Variants in IKZF2 observed in about 807,000 individuals in gnomAD.
IKZF2 encodes IKAROS family zinc finger 2.
Under a neutral mutation model 49.2 loss-of-function variants are expected in IKZF2, and 15 were observed. The observed-to-expected ratio is 0.30, with a 90% CI of 0.20 to 0.47. The LOEUF (loss-of-function observed/expected upper bound fraction) is 0.47. IKZF2 is among the 20% of genes least tolerant of loss of function. The pLI, the probability that IKZF2 is intolerant of heterozygous loss-of-function variation, is 1.00. For missense variants in IKZF2, 567 were observed against 664.6 expected, an observed-to-expected ratio of 0.85 and a Z score of 1.61; for synonymous variants, 227 against 221.4, an observed-to-expected ratio of 1.03 and a Z score of -0.23.
rs189765888 is a variant in IKZF2, at chr2:213,082,782, T to A, written c.140-25683A>T. Among the ~76,000 whole-genome samples, 134 of 152,324 alleles carry A rather than the reference T, an allele frequency of 8.8e-4. 1 individual carries two copies. Among genetic ancestry groups the A allele is most frequent in the African/African-American group, 3.1e-3 (127 of 41,580 alleles). On this transcript the variant is annotated intron_variant, in intron 4 of 8. Transcript: ENST00000434687. ...TCCATACAGATAGCAAAAAGACTCA[T>A]AAATTTCACTGACAATTTTTTTGGA...
intron 8 of IKZF2, among the ~76,000 whole-genome samples, chr2:213,011,801 G>A (rs945644471): frequency 6.6e-6 from 1 of 151,998 alleles, no homozygotes; most frequent in Non-Finnish European, 1.5e-5. Flanking sequence ...AGTACCAGAT[G>A]TGCAGGCTGG....
intron 4 of IKZF2, among the ~76,000 whole-genome samples, chr2:213,072,211 C>T (rs1249812608): frequency 6.6e-6 from 1 of 151,362 alleles, no homozygotes; most frequent in Non-Finnish European, 1.5e-5. Context: ...AATCAGCTAA[C>T]GATGAAATAT....
Position 213,119,361 on chromosome 2 carries a change from A to AT in IKZF2, c.139+28346dup, listed in dbSNP as rs1199561754. On this transcript the variant is annotated intron_variant, in intron 4 of 8. Transcript: ENST00000434687. ...TAAGTACTCATCCTACCACAACCTCATTTTTTTTAATGAAATAGGTCAGCT... is the reference window on the plus strand; with the variant it reads ...TAAGTACTCATCCTACCACAACCTCATTTTTTTTTAATGAAATAGGTCAGCT... Among the ~76,000 whole-genome samples the AT allele has an allele frequency of 3.3e-5, 5 of 151,810 alleles. No individual in the cohort carries two copies. The South Asian group carries it at 6.3e-4, about 19-fold the overall frequency.
In IKZF2 at chr2:213,148,639, G is replaced by T; in HGVS notation, c.-10C>A. ...TAGCCTCTGTTTCCATAGTCAAAGT[G>T]CAATGCTGCAAAACAAAAGATTATA... On this transcript the variant is annotated 5_prime_UTR_variant, in exon 3 of 9. Transcript: ENST00000434687. 6.2e-7 allele frequency: 1 copy of T among 1,610,038 alleles called. No individual in the cohort carries two copies. The highest frequency in any genetic ancestry group is 8.5e-7 in the Non-Finnish European group (1 of 1,176,456).
intron 7 of IKZF2, among the ~76,000 whole-genome samples, chr2:213,016,362 C>G (rs1010798999): frequency 6.6e-6 from 1 of 152,076 alleles, no homozygotes; most frequent in African/African-American, 2.4e-5. Flanking sequence ...TCAACCATTA[C>G]GCTATACTAC....
intron 4 of IKZF2, among the ~76,000 whole-genome samples, chr2:213,135,750 G>C (rs1388944860): frequency 2.6e-5 from 4 of 151,372 alleles, no homozygotes. Context: ...AAGAAGAAAG[G>C]AAAAGGAAAG....
chr2:213,096,154 C>G (rs1705965525), intron 4 of IKZF2, among the ~76,000 whole-genome samples: 1 of 151,888 alleles, frequency 6.6e-6, no homozygotes, highest in Non-Finnish European at 1.5e-5. Flanking sequence ...GAGCATCATA[C>G]TCTAAACTTG....
At chr2:213,022,654 G>C (rs549105694) in intron 6 of IKZF2, among the ~76,000 whole-genome samples, 1 of 152,292 alleles carries the variant, frequency 6.6e-6, no homozygotes, top group South Asian at 2.1e-4. Context: ...AAGTACAGAT[G>C]AAAGTAGAGT....
intron 4 of IKZF2, among the ~76,000 whole-genome samples, chr2:213,123,613 T>C (rs934396934): frequency 2.6e-5 from 4 of 151,976 alleles, no homozygotes; most frequent in Non-Finnish European, 5.9e-5. Flanking sequence ...ATAAAATAAA[T>C]AAATAAATTA....
At chr2:213,148,882 A>G (rs62189576) in intron 2 of IKZF2, among the ~76,000 whole-genome samples, 2,542 of 152,302 alleles carry the variant, frequency 0.017, 40 homozygotes, top group Non-Finnish European at 0.026. Flanking sequence ...GATGGGCTAG[A>G]GCAAAAAGGG....
intron 4 of IKZF2, among the ~76,000 whole-genome samples, chr2:213,146,759 C>CGGAGG (rs1553604931): frequency 1.1e-5 from 1 of 87,196 alleles, no homozygotes; most frequent in Non-Finnish European, 2.6e-5. Context: ...ATTAAATCTT[C>CGGAGG]GGGGGGGGGG....
At chr2:213,069,853 T>C (rs931115085) in intron 4 of IKZF2, among the ~76,000 whole-genome samples, 1 of 152,136 alleles carries the variant, frequency 6.6e-6, no homozygotes, top group African/African-American at 2.4e-5. Flanking sequence ...AAGCTGTTTT[T>C]TTCTTTTCTT....
At chr2:213,142,334 T>C (rs1200643301) in intron 4 of IKZF2, among the ~76,000 whole-genome samples, 2 of 151,930 alleles carry the variant, frequency 1.3e-5, no homozygotes, top group Non-Finnish European at 2.9e-5. Flanking sequence ...TTACCCTAAA[T>C]TATCAGAAAT....
intron 4 of IKZF2, among the ~76,000 whole-genome samples, chr2:213,080,823 G>C (rs1197080468): frequency 6.6e-6 from 1 of 151,536 alleles, no homozygotes; most frequent in Non-Finnish European, 1.5e-5. Flanking sequence ...TTTGACAATT[G>C]CAACACATAT....
intron 6 of IKZF2, among the ~76,000 whole-genome samples, chr2:213,036,248 T>C (rs1310782272): frequency 6.6e-6 from 1 of 152,082 alleles, no homozygotes; most frequent in Non-Finnish European, 1.5e-5. Context: ...AAGGTGAAAG[T>C]ATAATCTGTA....
chr2:213,143,247 T>A (rs577587468), intron 4 of IKZF2, among the ~76,000 whole-genome samples: 7 of 152,054 alleles, frequency 4.6e-5, no homozygotes, highest in Admixed American at 1.3e-4. Context: ...TACCTTTTTT[T>A]AAAAAAGTAC....
chr2:213,121,245 T>C (rs1004752725), intron 4 of IKZF2, among the ~76,000 whole-genome samples: 3 of 152,218 alleles, frequency 2.0e-5, no homozygotes, highest in Non-Finnish European at 2.9e-5. Flanking sequence ...TATTATATAA[T>C]ATTTCTACTG....
intron 5 of IKZF2, among the ~76,000 whole-genome samples, chr2:213,050,120 T>C (rs1310088798): frequency 6.6e-6 from 1 of 152,176 alleles, no homozygotes; most frequent in Admixed American, 6.6e-5. Context: ...TATCATTGAC[T>C]CAGAAGAATA....
At chr2:213,134,226 T>C (rs187058223) in intron 4 of IKZF2, among the ~76,000 whole-genome samples, 180 of 152,326 alleles carry the variant, frequency 1.2e-3, no homozygotes, top group Middle Eastern at 6.8e-3. Flanking sequence ...AAACCTCATC[T>C]CATCTGCTCA....
Sources: gnomAD v4.1 joint callset for allele counts (sites outside exome capture counted in the v4.1 genomes callset) on GRCh38, gnomAD v4.1.1 for gene constraint, MANE v1.5 for transcripts, NCBI Gene and HGNC (gene_info 2026-07-23, HGNC 2026-07-21) for gene names.